The following KLHL12 variants were observed in gnomAD, a reference collection of about 807,000 sequenced individuals.
KLHL12 encodes kelch-like protein 12.
In KLHL12, 17 loss-of-function variants were observed where a neutral mutation model predicts 60.8. That is an observed-to-expected ratio of 0.28 (90% CI 0.19 to 0.42). The LOEUF (loss-of-function observed/expected upper bound fraction) is 0.42. Ranked by LOEUF, KLHL12 falls within the 10% of genes least tolerant of loss-of-function variation. The pLI, the probability that KLHL12 is intolerant of heterozygous loss-of-function variation, is 1.00. For synonymous variants in KLHL12, 220 were observed against 250.9 expected (o/e 0.88, Z 1.16); for missense variants, 468 against 722.3 (o/e 0.65, Z 4.04).
At chr1:202,926,971 G>A (rs1453469020) in intron 1 of KLHL12, 118 bp downstream of exon 1, 6 of 788,946 alleles carry the variant, frequency 7.6e-6, no homozygotes, top group Non-Finnish European at 9.2e-6. Context: ...TTCCTCCTCT[G>A]TTGGGCATGT....
intron 4 of KLHL12, chr1:202,911,728 T>TG: frequency 1.6e-6 from 1 of 620,504 alleles, no homozygotes; most frequent in South Asian, 2.1e-5. Flanking sequence ...ATCACTATGT[T>TG]GCAGTTTTCA....
intron 6 of KLHL12, among the ~76,000 whole-genome samples, chr1:202,902,370 C>T (rs1369009595): frequency 1.3e-5 from 2 of 151,238 alleles, no homozygotes; most frequent in African/African-American, 2.4e-5. Flanking sequence ...GTGGAGACTG[C>T]AGTGAGCCGA....
chr1:202,919,821 T>C lies in KLHL12; in HGVS notation c.283A>G (p.Thr95Ala). 6.2e-7 allele frequency: 1 copy of C among 1,613,948 alleles called. No homozygotes were observed. The highest frequency in any genetic ancestry group is 2.2e-5 in the East Asian group (1 of 44,862). The change falls in exon 3 of 12, where the codon ACA (threonine) becomes GCA (alanine). Residue 95 changes from threonine to alanine, a missense_variant. Coordinates refer to ENST00000367261, the MANE Select transcript of KLHL12 (RefSeq NM_021633.4). ...EILLDFVYTE[T>A]VHVTVENVQE... Reference sequence around the variant, plus strand: ...ACATTCTCCACTGTCACATGTACTGTTTCTGTGTACACAAAGTCCAATAAA... The same window carrying C: ...ACATTCTCCACTGTCACATGTACTGCTTCTGTGTACACAAAGTCCAATAAA...
rs762605028 is a variant in KLHL12, at chr1:202,892,643, G to A, written c.1597C>T (p.Leu533=). The A allele has an allele frequency of 6.2e-7, 1 of 1,613,964 alleles. No homozygotes were observed. The highest frequency in any genetic ancestry group is 1.1e-5 in the South Asian group (1 of 91,072). The change falls in exon 12 of 12, where the codon CTG becomes TTG. Residue 533 remains leucine (L), a synonymous_variant. Coordinates refer to ENST00000367261, the MANE Select transcript of KLHL12 (RefSeq NM_021633.4). Reference sequence around the variant, plus strand: ...TCATAACATTCAATGCTACTTAGCAGGGAATTACCATCATATCTGAGTGGG... The same window carrying A: ...TCATAACATTCAATGCTACTTAGCAAGGAATTACCATCATATCTGAGTGGG... ...YAIAGYDGNS[L]LSSIECYDPI...
upstream of KLHL12, chr1:202,927,299 G>C (rs1653633871): frequency 1.0e-6 from 1 of 984,422 alleles, no homozygotes; most frequent in Non-Finnish European, 1.2e-6. Context: ...CCCCGCTCCA[G>C]AGTCTGCGTC....
At chr1:202,910,909 A>T (rs188310210) in intron 5 of KLHL12, 145 bp downstream of exon 5, 1 of 720,684 alleles carries the variant, frequency 1.4e-6, no homozygotes, top group East Asian at 2.8e-5. Context: ...ATGCTTGGGG[A>T]CTACCCAGCA....
chr1:202,920,369 ATTTTTTT>A (rs951695987), intron 2 of KLHL12, among the ~76,000 whole-genome samples: 16 of 83,826 alleles, frequency 1.9e-4, no homozygotes, highest in South Asian at 1.4e-3. Context: ...ATTTTGTTGG[ATTTTTTT>A]TTTTTTTTTT....
In KLHL12 at chr1:202,894,693, G is replaced by A. The variant is rs1659777415; in HGVS notation, c.1192C>T (p.Arg398Cys). Residue 398 changes from arginine (R) to cysteine (C), a missense_variant, in exon 9 of 12, where the codon CGC (arginine) becomes TGC (cysteine). Physicochemically the swap from Arg to Cys is radical, Grantham distance 180. Coordinates refer to ENST00000367261, the MANE Select transcript of KLHL12 (RefSeq NM_021633.4). ...DGSRRHTSME[R>C]YDPNIDQWSM... is the part of the protein sequence containing the mutation. Reference sequence around the variant, plus strand: ...CACTGGTCAATGTTTGGATCATAGCGCTCCATACTGGTGTGACGCCTGCTT... The same window carrying A: ...CACTGGTCAATGTTTGGATCATAGCACTCCATACTGGTGTGACGCCTGCTT... The A allele has an allele frequency of 1.7e-5, 27 of 1,613,924 alleles. No individual in the cohort carries two copies. The highest frequency in any genetic ancestry group is 2.2e-5 in the East Asian group (1 of 44,884).
intron 6 of KLHL12, among the ~76,000 whole-genome samples, chr1:202,900,215 C>T: frequency 6.6e-6 from 1 of 151,564 alleles, no homozygotes; most frequent in East Asian, 1.9e-4. Context: ...ATATAACTCC[C>T]TGCCCCACCC....
At chr1:202,923,029 G>A (rs1000780872) in intron 2 of KLHL12, among the ~76,000 whole-genome samples, 2 of 152,108 alleles carry the variant, frequency 1.3e-5, no homozygotes, top group East Asian at 3.9e-4. Flanking sequence ...ATGGTTCCCA[G>A]GGTTTATACA....
chr1:202,916,262 C>T (rs2102446192), intron 4 of KLHL12, among the ~76,000 whole-genome samples: 1 of 152,366 alleles, frequency 6.6e-6, no homozygotes, highest in Non-Finnish European at 1.5e-5. Flanking sequence ...AATTCCTCTA[C>T]AGTTGGAACC....
Position 202,909,257 on chromosome 1 carries a change from T to C in KLHL12, c.718-133A>G, listed in dbSNP as rs1660285296. ...GCAAAGCCCTGTGATTCCAGGAGTATTGCTGGTAGTAACCATGCTCTCGGT... is the reference window on the plus strand; with the variant it reads ...GCAAAGCCCTGTGATTCCAGGAGTACTGCTGGTAGTAACCATGCTCTCGGT... On this transcript the variant is annotated intron_variant, in intron 5 of 11. Transcript: ENST00000367261. This position sits in a 1 kb window ranked among gnomAD's most constrained non-coding sequence, Gnocchi z 4.1. 7.2e-6 allele frequency: 4 copies of C among 558,038 alleles called. No individual in the cohort carries two copies. The highest frequency in any genetic ancestry group is 2.7e-4 in the Middle Eastern group (1 of 3,662). 34.6% of individuals were successfully genotyped at this position (558,038 alleles called of 1,614,324 possible).
intron 3 of KLHL12, among the ~76,000 whole-genome samples, chr1:202,918,981 T>C (rs188977957): frequency 3.4e-4 from 52 of 152,286 alleles, no homozygotes; most frequent in Non-Finnish European, 6.5e-4. Flanking sequence ...CCAGGAACGG[T>C]GGCTCGTGCC....
chr1:202,919,261 CAAAACAAAAAACCTGGGAATTGTAAGGG>C (rs1219293542), intron 3 of KLHL12, among the ~76,000 whole-genome samples: 1 of 151,944 alleles, frequency 6.6e-6, no homozygotes, highest in African/African-American at 2.4e-5. Context: ...GTCTCAAAAA[CAAAACAAAAAACCTGGGAATTGTAAGGG>C]AAAACAAACC....
rs1387788566 is a variant in KLHL12, at chr1:202,893,985, T to A, written c.1393+199A>T. Among the ~76,000 whole-genome samples, 1 of 152,230 alleles carries A rather than the reference T, an allele frequency of 6.6e-6. No homozygotes were observed. The highest frequency in any genetic ancestry group is 2.4e-5 in the African/African-American group (1 of 41,458). ...AAAACGTAGGGAGAGAACAAAGACA[T>A]GAAGGCTTTTGCTTTCAAATTTATA... On this transcript the variant is annotated intron_variant, in intron 10 of 11. Transcript: ENST00000367261. This position sits in a 1 kb window ranked among gnomAD's most constrained non-coding sequence, Gnocchi z 4.1.
chr1:202,927,519 C>CAAAAAAAAA (rs869139683), upstream of KLHL12, among the ~76,000 whole-genome samples: 147 of 52,724 alleles, frequency 2.8e-3, 7 homozygotes, highest in East Asian at 0.026. Flanking sequence ...CCCGTTTCTA[C>CAAAAAAAAA]AAAAAAAAAA....
intron 6 of KLHL12, among the ~76,000 whole-genome samples, chr1:202,906,445 C>T (rs1464622146): frequency 8.5e-6 from 1 of 117,882 alleles, no homozygotes; most frequent in Non-Finnish European, 1.6e-5. Context: ...ACAAGAGCAA[C>T]GCTTCGTCTC....
upstream of KLHL12, among the ~76,000 whole-genome samples, chr1:202,927,519 C>CAAAAAA (rs869139683): frequency 0.031 from 1,632 of 52,748 alleles, 159 homozygotes; most frequent in African/African-American, 0.065. Flanking sequence ...CCCGTTTCTA[C>CAAAAAA]AAAAAAAAAA....
intron 1 of KLHL12, among the ~76,000 whole-genome samples, chr1:202,925,616 G>A (rs1334477383): frequency 6.6e-6 from 1 of 152,120 alleles, no homozygotes; most frequent in Non-Finnish European, 1.5e-5. Flanking sequence ...TACATAAAAA[G>A]AGGATCCTGC....
Sources: gnomAD v4.1 joint callset for allele counts (sites outside exome capture counted in the v4.1 genomes callset) on GRCh38, gnomAD v4.1.1 for gene constraint, Gnocchi (gnomAD v3.1) non-coding constraint, MANE v1.5 for transcripts, NCBI Gene and HGNC (gene_info 2026-07-23, HGNC 2026-07-21) for gene names.